The following SEPTIN4 variants were observed in gnomAD, a reference collection of about 807,000 sequenced individuals.
SEPTIN4 encodes the protein septin 4, also known as septin-4.
SEPTIN4 carries 52 observed loss-of-function variants against 107.1 expected under a neutral mutation model. The observed-to-expected ratio is 0.49, with a 90% CI of 0.39 to 0.61. The LOEUF (loss-of-function observed/expected upper bound fraction) is 0.61, where lower values mean the gene tolerates loss of function less well. Among genes scored for constraint, SEPTIN4 ranks in the 20% least tolerant of loss-of-function variants. The probability of loss-of-function intolerance (pLI) is 0.00; values close to 1 mark genes in which losing one functional copy is unlikely to be tolerated. For missense variants in SEPTIN4, 1,048 were observed against 1,243.5 expected, an observed-to-expected ratio of 0.84 and a Z score of 2.36; for synonymous variants, 417 against 467.0, an observed-to-expected ratio of 0.89 and a Z score of 1.38.
intron 13 of SEPTIN4, 97 bp from the exon 14 acceptor site, chr17:58,520,582 G>T: frequency 6.5e-7 from 1 of 1,543,720 alleles, no homozygotes; most frequent in Non-Finnish European, 8.9e-7. Flanking sequence ...CAGAACCTTG[G>T]TAGCCGTGAG....
chr17:58,534,576 G>A (rs1598312729), intron 3 of SEPTIN4, among the ~76,000 whole-genome samples: 1 of 152,232 alleles, frequency 6.6e-6, no homozygotes, highest in Non-Finnish European at 1.5e-5. Context: ...CTTCAGCATG[G>A]CTTAACTCTT....
chr17:58,539,604 CTGTG>C (rs1462345527), intron 3 of SEPTIN4, among the ~76,000 whole-genome samples: 3 of 152,128 alleles, frequency 2.0e-5, no homozygotes, highest in Non-Finnish European at 4.4e-5. Flanking sequence ...TGTTTCCTGT[CTGTG>C]TTTTATCTCC....
At chr17:58,539,075 A>T in intron 3 of SEPTIN4, 1 of 1,393,422 alleles carries the variant, frequency 7.2e-7, no homozygotes, top group Non-Finnish European at 9.7e-7. Context: ...TCTCTCATGC[A>T]TTAGAGAGCA....
chr17:58,539,888 G>C (rs1320599259), intron 3 of SEPTIN4, among the ~76,000 whole-genome samples: 1 of 152,204 alleles, frequency 6.6e-6, no homozygotes, highest in African/African-American at 2.4e-5. Context: ...GGCAGTGGCA[G>C]GTGGCAGCCT....
chr17:58,522,796 T>C (rs189776005), intron 7 of SEPTIN4, among the ~76,000 whole-genome samples: 2 of 152,210 alleles, frequency 1.3e-5, no homozygotes, highest in African/African-American at 4.8e-5. Context: ...GTTTCTACCC[T>C]TTCCTCTACC....
Position 58,526,845 on chromosome 17 carries a change from C to T in SEPTIN4, c.1748G>A (p.Arg583Lys). 1 of 1,613,718 alleles carries T rather than the reference C, an allele frequency of 6.2e-7. No individual in the cohort carries two copies. Among genetic ancestry groups the T allele is most frequent in the South Asian group, 1.1e-5 (1 of 91,046 alleles). Residue 583 changes from arginine (R) to lysine (K), a missense_variant, in exon 4 of 14, where the codon AGG (arginine) becomes AAG (lysine). By Grantham distance (26) the Arg-to-Lys change is conservative. Around this residue, in one of 2 missense-constraint regions of SEPTIN4, gnomAD observed 787 missense variants for 871.8 expected, o/e 0.90. Coordinates refer to ENST00000672673, the MANE Select transcript of SEPTIN4 (RefSeq NM_001368771.2). The part of the protein sequence containing the change: ...WASRPQVPEP[R>K]PQAPDLYDDD... The stretch of plus-strand genomic sequence containing the variant: ...ATCATAGAGGTCCGGGGCCTGGGGC[C>T]TTGGCTCCGGGACTTGGGGCCTGGA...
At chr17:58,530,155 G>A (rs1287185426) in intron 3 of SEPTIN4, 1 of 152,260 alleles carries the variant, frequency 6.6e-6, no homozygotes, top group African/African-American at 2.4e-5. Context: ...TGGTTGGGTG[G>A]AAACATCTTT....
chr17:58,544,214 T>A lies in SEPTIN4; in HGVS notation c.-28A>T. 1.3e-6 allele frequency: 2 copies of A among 1,572,162 alleles called. No homozygotes were observed. The highest frequency in any genetic ancestry group is 1.8e-5 in the Admixed American group (1 of 55,796). On this transcript the variant is annotated 5_prime_UTR_variant, in exon 1 of 14. Transcript: ENST00000672673. ...GATAGATTGTGCCCTTCTGAGTAGA[T>A]CCCGTATTTTACTGGCTGGCTTGTA... is the stretch of plus-strand genomic sequence containing the variant.
intron 4 of SEPTIN4, 154 bp from the exon 5 acceptor site, chr17:58,526,467 C>A (rs1373653817): frequency 7.2e-7 from 1 of 1,394,210 alleles, no homozygotes; most frequent in East Asian, 2.8e-5. Context: ...CCAGCTGGGC[C>A]TCCTGCCCTT....
intron 3 of SEPTIN4, 174 bp from the exon 4 acceptor site, chr17:58,527,152 T>A: frequency 9.1e-7 from 1 of 1,094,924 alleles, no homozygotes; most frequent in Non-Finnish European, 1.4e-6. Flanking sequence ...CATCCCTCCC[T>A]CACCTGCTCA....
At chr17:58,533,290 G>A (rs536718239) in intron 3 of SEPTIN4, among the ~76,000 whole-genome samples, 62 of 152,274 alleles carry the variant, frequency 4.1e-4, no homozygotes, top group Admixed American at 1.2e-3. Flanking sequence ...TGAGCCAGCC[G>A]GTTGAGGAGA....
chr17:58,530,926 G>C (rs1567970272), intron 3 of SEPTIN4: 1 of 152,306 alleles, frequency 6.6e-6, no homozygotes, highest in Non-Finnish European at 1.5e-5. Flanking sequence ...TGATCCCAGG[G>C]GGCCCAGGGA....
intron 5 of SEPTIN4, 48 bp downstream of exon 5, chr17:58,526,172 C>A (rs2042844964): frequency 1.3e-6 from 2 of 1,532,140 alleles, no homozygotes; most frequent in South Asian, 2.6e-5. Context: ...CACACACCAT[C>A]CCCACCTGAA....
Position 58,521,721 on chromosome 17 carries a change from A to C in SEPTIN4, c.2469+15T>G. The C allele has an allele frequency of 6.2e-7, 1 of 1,614,132 alleles. No homozygotes were observed. The highest frequency in any genetic ancestry group is 8.5e-7 in the Non-Finnish European group (1 of 1,180,018). On this transcript the variant is annotated intron_variant, in intron 9 of 13. Coordinates refer to ENST00000672673, the MANE Select transcript of SEPTIN4 (RefSeq NM_001368771.2). This position sits in a 1 kb window ranked among gnomAD's most constrained non-coding sequence, Gnocchi z 6.4. ...GAAGCCCACCTGATCCCCTCCCACC[A>C]CCAGCTTCCCTCACTTTGCGTTTCT...
In SEPTIN4 at chr17:58,543,021, G is replaced by A. The variant is rs2043923912; in HGVS notation, c.1166C>T (p.Pro389Leu). Residue 389 changes from proline (P) to leucine (L), a missense_variant, in exon 1 of 14, where the codon CCT becomes CTT. This residue lies in a region of SEPTIN4 where 787 missense variants were observed against 871.8 expected (regional missense o/e 0.90). Transcript: ENST00000672673. ...PPEITYMSQG[P>L]TPRYPELSQK... ...CGAGAGTTCTGGATACCTGGGTGTAGGTCCTTGGGACATGTAAGTAATTTC... is the reference window on the plus strand; with the variant it reads ...CGAGAGTTCTGGATACCTGGGTGTAAGTCCTTGGGACATGTAAGTAATTTC... The A allele has an allele frequency of 2.5e-6, 4 of 1,611,446 alleles. No homozygotes were observed. In the African/African-American group the frequency reaches 5.4e-5, roughly 22 times the overall value.
chr17:58,529,402 C>A, intron 3 of SEPTIN4: 1 of 1,414,028 alleles, frequency 7.1e-7, no homozygotes. Flanking sequence ...TGGCTCCCAC[C>A]CTCCAAGGAC....
chr17:58,522,199 T>C, intron 7 of SEPTIN4, 98 bp from the exon 8 acceptor site: 2 of 1,466,712 alleles, frequency 1.4e-6, no homozygotes, highest in Non-Finnish European at 1.9e-6. Context: ...GAGCAGTGTT[T>C]TTAAGACACT....
At chr17:58,522,848 T>C (rs1396994697) in intron 7 of SEPTIN4, among the ~76,000 whole-genome samples, 1 of 151,982 alleles carries the variant, frequency 6.6e-6, no homozygotes, top group African/African-American at 2.4e-5. Context: ...AAGAACCATC[T>C]CTTCCACGAA....
At chr17:58,523,901 G>C (rs999166103) in intron 7 of SEPTIN4, among the ~76,000 whole-genome samples, 14 of 151,920 alleles carry the variant, frequency 9.2e-5, no homozygotes, top group African/African-American at 2.9e-4. Flanking sequence ...GGTAAGGGCT[G>C]GTATATTTTA....
Sources: allele counts gnomAD v4.1 joint callset (sites outside exome capture counted in the v4.1 genomes callset), GRCh38; gene constraint gnomAD v4.1.1; regional missense constraint gnomAD v4.1.1; non-coding constraint Gnocchi (gnomAD v3.1); transcripts MANE v1.5; gene names NCBI Gene and HGNC (gene_info 2026-07-23, HGNC 2026-07-21).